The following SOS1 variants were observed in gnomAD, a reference collection of about 807,000 sequenced individuals.
The protein encoded by SOS1 is son of sevenless homolog 1.
Under a neutral mutation model 157.6 loss-of-function variants are expected in SOS1, and 25 were observed. That is an observed-to-expected ratio of 0.16 (90% CI 0.12 to 0.22). SOS1 has a LOEUF of 0.22. Ranked by LOEUF, SOS1 falls within the 10% of genes least tolerant of loss-of-function variation. The probability of loss-of-function intolerance (pLI) is 1.00; values close to 1 mark genes in which losing one functional copy is unlikely to be tolerated. For synonymous variants in SOS1, 528 were observed against 534.0 expected (o/e 0.99, Z 0.16); for missense variants, 1,237 against 1,599.1 (o/e 0.77, Z 3.86).
upstream of SOS1, among the ~76,000 whole-genome samples, chr2:39,122,663 G>A (rs1673936359): frequency 6.6e-6 from 1 of 152,104 alleles, no homozygotes. Flanking sequence ...CTTTCAAAGT[G>A]TGTGGAATGA....
chr2:38,986,428 G>T, intron 22 of SOS1, 113 bp from the exon 23 acceptor site: 1 of 1,027,528 alleles, frequency 9.7e-7, no homozygotes, highest in Non-Finnish European at 1.4e-6. Context: ...GCTAAGTGTG[G>T]AACAGGGAGT....
At chr2:39,001,354 C>G (rs572879536) in intron 17 of SOS1, among the ~76,000 whole-genome samples, 19 of 152,186 alleles carry the variant, frequency 1.2e-4, no homozygotes, top group African/African-American at 4.6e-4. Context: ...TGAGCCACTG[C>G]GCCCAGCTGA....
At chr2:39,093,266 T>C (rs1026729391) in intron 1 of SOS1, among the ~76,000 whole-genome samples, 1 of 152,182 alleles carries the variant, frequency 6.6e-6, no homozygotes, top group Non-Finnish European at 1.5e-5. Flanking sequence ...TTTCCTGAAA[T>C]GCATGATCAT....
At chr2:39,116,926 C>T (rs906354841) in intron 1 of SOS1, among the ~76,000 whole-genome samples, 2 of 152,106 alleles carry the variant, frequency 1.3e-5, no homozygotes, top group Middle Eastern at 3.2e-3. Context: ...AATTCCTTAG[C>T]TTAACATATA....
upstream of SOS1, among the ~76,000 whole-genome samples, chr2:39,124,829 C>T (rs1014523505): frequency 5.3e-5 from 8 of 152,322 alleles, no homozygotes; most frequent in Middle Eastern, 3.4e-3. Context: ...CTGTCTCTGT[C>T]TCCTGCTATT....
Position 39,119,940 on chromosome 2 carries a change from A to G in SOS1, c.87+396T>C, listed in dbSNP as rs116756479. Among the ~76,000 whole-genome samples the G allele has an allele frequency of 8.0e-3, 1,212 of 152,264 alleles. 17 individuals are homozygous for G. The highest frequency in any genetic ancestry group is 0.028 in the African/African-American group (1,171 of 41,538). ...ACGGCCAGGGCATTCTCAAGCCACT[A>G]AAACCAGCGTACTGGACACCTAAAA... On this transcript the variant is annotated intron_variant, in intron 1 of 22. Transcript: ENST00000402219.
At chr2:38,995,963 T>A (rs2124476839) in intron 19 of SOS1, among the ~76,000 whole-genome samples, 1 of 152,358 alleles carries the variant, frequency 6.6e-6, no homozygotes, top group African/African-American at 2.4e-5. Flanking sequence ...TTAATCCATC[T>A]TATTAAAAAC....
intron 6 of SOS1, among the ~76,000 whole-genome samples, chr2:39,046,218 C>A (rs891370146): frequency 6.6e-6 from 1 of 151,918 alleles, no homozygotes; most frequent in African/African-American, 2.4e-5. Context: ...CCTATCTGTA[C>A]ATTATAAGCT....
chr2:39,078,960 T>C (rs1332951195), intron 1 of SOS1, among the ~76,000 whole-genome samples: 2 of 147,980 alleles, frequency 1.4e-5, no homozygotes, highest in Non-Finnish European at 1.5e-5. Flanking sequence ...CTTGGGAGGC[T>C]GAGGCAGGAG....
intron 1 of SOS1, among the ~76,000 whole-genome samples, chr2:39,110,039 C>CGCGTGT (rs1553371510): frequency 5.2e-5 from 7 of 135,420 alleles, no homozygotes; most frequent in East Asian, 2.1e-4. Context: ...TGTGTGTGTG[C>CGCGTGT]GTGTGTGTGT....
At chr2:39,105,889 G>C (rs918114113) in intron 1 of SOS1, among the ~76,000 whole-genome samples, 1 of 151,778 alleles carries the variant, frequency 6.6e-6, no homozygotes, top group African/African-American at 2.4e-5. Context: ...GACAGGGTGA[G>C]ACTCTGTCTC....
chr2:39,079,273 G>A (rs1672122755), intron 1 of SOS1, among the ~76,000 whole-genome samples: 1 of 143,216 alleles, frequency 7.0e-6, no homozygotes, highest in African/African-American at 2.6e-5. Flanking sequence ...AAAAATATAA[G>A]TTACAGAACA....
At chr2:39,091,320 T>A (rs1672587853) in intron 1 of SOS1, among the ~76,000 whole-genome samples, 1 of 152,174 alleles carries the variant, frequency 6.6e-6, no homozygotes, top group African/African-American at 2.4e-5. Context: ...TGTACCCTAG[T>A]TCCTGGTACT....
At chr2:39,103,206 A>C (rs1673039106) in intron 1 of SOS1, among the ~76,000 whole-genome samples, 1 of 152,214 alleles carries the variant, frequency 6.6e-6, no homozygotes. Context: ...GAGTAGGAAG[A>C]CTTAATATTG....
intron 1 of SOS1, among the ~76,000 whole-genome samples, chr2:39,103,317 TCA>T (rs1219781117): frequency 6.6e-6 from 1 of 151,716 alleles, no homozygotes; most frequent in Non-Finnish European, 1.5e-5. Context: ...ACCCTCAAAT[TCA>T]CAGAGCTGCA....
intron 17 of SOS1, among the ~76,000 whole-genome samples, chr2:38,997,727 G>A (rs1161163154): frequency 6.6e-6 from 1 of 151,366 alleles, no homozygotes; most frequent in Admixed American, 6.6e-5. Context: ...GAAAAAGGGA[G>A]GGAGACCAAG....
At chr2:39,061,466 G>C (rs1005848540) in intron 2 of SOS1, among the ~76,000 whole-genome samples, 2 of 152,020 alleles carry the variant, frequency 1.3e-5, no homozygotes, top group Admixed American at 6.6e-5. Context: ...TAGCTCACTG[G>C]AGCCTCAGCC....
chr2:39,044,870 A>ACACC (rs1670704415), intron 6 of SOS1, among the ~76,000 whole-genome samples: 1 of 151,762 alleles, frequency 6.6e-6, no homozygotes, highest in African/African-American at 2.4e-5. Context: ...GCGCGCACAC[A>ACACC]CACACACACA....
chr2:39,029,259 AACC>A (rs923926427), intron 8 of SOS1, among the ~76,000 whole-genome samples: 1 of 152,218 alleles, frequency 6.6e-6, no homozygotes, highest in African/African-American at 2.4e-5. Context: ...TATCTTTTAA[AACC>A]ACCTCTCTGT....
Sources: gnomAD v4.1 joint callset for allele counts (sites outside exome capture counted in the v4.1 genomes callset) on GRCh38, gnomAD v4.1.1 for gene constraint, MANE v1.5 for transcripts, NCBI Gene and HGNC (gene_info 2026-07-23, HGNC 2026-07-21) for gene names.